ANKRD42: variants seen among roughly 807,000 people sequenced by gnomAD.
ANKRD42 encodes ankyrin repeat domain-containing protein 42.
ANKRD42 carries 43 observed loss-of-function variants against 51.5 expected under a neutral mutation model. That is an observed-to-expected ratio of 0.83 (90% confidence interval 0.65 to 1.08). ANKRD42 has a LOEUF of 1.08. Ranked by LOEUF, ANKRD42 falls within the 50% of genes least tolerant of loss-of-function variation. ANKRD42 has a pLI of 0.00. For missense variants in ANKRD42, 608 were observed against 629.3 expected, an observed-to-expected ratio of 0.97 and a Z score of 0.36; for synonymous variants, 203 against 213.0, an observed-to-expected ratio of 0.95 and a Z score of 0.41.
At chr11:83,263,273 G>A (rs1220344553), downstream of ANKRD42, among the ~76,000 whole-genome samples, 4 of 152,088 alleles carry the variant, frequency 2.6e-5, no homozygotes, top group African/African-American at 9.7e-5. Context: ...TTATTGTGAG[G>A]TGAAGTATAC....
downstream of ANKRD42, chr11:83,259,026 T>G (rs1463162674): frequency 6.6e-6 from 1 of 152,220 alleles, no homozygotes; most frequent in East Asian, 1.9e-4. Context: ...TCAGTATGAA[T>G]GCAGTATTTT....
downstream of ANKRD42, among the ~76,000 whole-genome samples, chr11:83,253,103 A>G (rs776653616): frequency 6.6e-6 from 1 of 152,198 alleles, no homozygotes; most frequent in Non-Finnish European, 1.5e-5. Flanking sequence ...AAGGTCTGGA[A>G]CAAGGTTGAA....
chr11:83,248,439 AAGG>A lies in ANKRD42; in HGVS notation c.*238_*240del, dbSNP rs1863609113. On this transcript the variant is annotated 3_prime_UTR_variant, in exon 11 of 11. Coordinates refer to ENST00000533342, the MANE Select transcript of ANKRD42 (RefSeq NM_001300975.2). ...TATTATTGTTAACATTGTACCATAG[AAGG>A]AGAAAATGTTTTCATAAGTAATCAA... The A allele has an allele frequency of 8.4e-7, 1 of 1,192,628 alleles. No individual in the cohort carries two copies. Among genetic ancestry groups the A allele is most frequent in the Non-Finnish European group, 1.0e-6 (1 of 964,686 alleles). The allele number at this position is 1,192,628 out of a possible 1,614,324, so 73.9% of individuals were successfully genotyped here.
chr11:83,208,836 T>A (rs896684775), intron 3 of ANKRD42, among the ~76,000 whole-genome samples: 3 of 152,046 alleles, frequency 2.0e-5, no homozygotes, highest in East Asian at 3.9e-4. Flanking sequence ...AGAAAAAGAT[T>A]ACAGGAATGG....
At chr11:83,230,143 C>T (rs1359555141) in intron 7 of ANKRD42, among the ~76,000 whole-genome samples, 2 of 152,196 alleles carry the variant, frequency 1.3e-5, no homozygotes, top group Non-Finnish European at 2.9e-5. Flanking sequence ...CCTTGACCTC[C>T]TGGGCTCAGG....
At chr11:83,213,649 C>T (rs1042098624) in intron 5 of ANKRD42, 21 of 836,578 alleles carry the variant, frequency 2.5e-5, no homozygotes, top group African/African-American at 2.4e-4. Flanking sequence ...AACATCATTT[C>T]GTACGTTTAA....
At chr11:83,217,602 G>T (rs190153304) in intron 5 of ANKRD42, among the ~76,000 whole-genome samples, 16 of 152,332 alleles carry the variant, frequency 1.1e-4, no homozygotes, top group African/African-American at 3.8e-4. Context: ...GGCTCTGTGA[G>T]GGTGATGGCA....
At chr11:83,230,076 T>A (rs917189563) in intron 7 of ANKRD42, among the ~76,000 whole-genome samples, 4 of 152,208 alleles carry the variant, frequency 2.6e-5, no homozygotes, top group African/African-American at 9.7e-5. Flanking sequence ...TGCTATCAGA[T>A]AGTCTCACTC....
In ANKRD42 at chr11:83,194,727, C is replaced by T; in HGVS notation, c.57C>T (p.Pro19=). ...PSTSSRETAN[P]CSRKKVHFGS... ...CTTCCTCTAGGGAGACTGCAAACCC[C>T]TGTGAGTCAGACTGTCATTGGCCTT... Residue 19 remains proline, a splice_region_variant and synonymous_variant, in exon 1 of 11, where the codon CCC becomes CCT. Coordinates refer to ENST00000533342, the MANE Select transcript of ANKRD42 (RefSeq NM_001300975.2). 2 of 1,588,200 alleles carry T rather than the reference C, an allele frequency of 1.3e-6. No homozygotes were observed. Among genetic ancestry groups the T allele is most frequent in the Non-Finnish European group, 1.7e-6 (2 of 1,167,516 alleles).
At chr11:83,234,104 A>G (rs939415121) in intron 7 of ANKRD42, among the ~76,000 whole-genome samples, 7 of 152,258 alleles carry the variant, frequency 4.6e-5, no homozygotes, top group Admixed American at 3.3e-4. Flanking sequence ...TGTTTCCATT[A>G]TCATGTGTTT....
At chr11:83,201,306 A>G (rs1861864397) in intron 2 of ANKRD42, among the ~76,000 whole-genome samples, 1 of 152,222 alleles carries the variant, frequency 6.6e-6, no homozygotes, top group East Asian at 1.9e-4. Context: ...AGCTTCATCC[A>G]TGGCCCCGCA....
chr11:83,211,376 C>T lies in ANKRD42; in HGVS notation c.532C>T (p.Leu178Phe). 6.2e-7 allele frequency: 1 copy of T among 1,614,176 alleles called. No individual in the cohort carries two copies. The highest frequency in any genetic ancestry group is 8.5e-7 in the Non-Finnish European group (1 of 1,180,020). ...FHGRLGCLQL[L>F]VKWGCSIEDV... is the part of the protein sequence containing the mutation. ...TGGGCGGCTTGGCTGCTTGCAACTTCTTGTTAAATGGGGTTGTAGCATAGA... is the reference window on the plus strand; with the variant it reads ...TGGGCGGCTTGGCTGCTTGCAACTTTTTGTTAAATGGGGTTGTAGCATAGA... The change falls in exon 5 of 11, where the codon CTT becomes TTT. Residue 178 changes from leucine (L) to phenylalanine (F), a missense_variant. Coordinates refer to ENST00000533342, the MANE Select transcript of ANKRD42 (RefSeq NM_001300975.2).
Position 83,198,611 on chromosome 11 carries a change from T to C in ANKRD42, c.191T>C (p.Leu64Ser). ...ELDVLHKFTP[L>S]HWAAHSGSLE... ...GATGTTCTCCATAAGTTTACCCCTT[T>C]ACATTGGGCAGCACATTCTGGAAGT... Residue 64 changes from leucine (L) to serine (S), a missense_variant, in exon 2 of 11, where the codon TTA becomes TCA. Transcript: ENST00000533342. 1 of 1,608,068 alleles carries C rather than the reference T, an allele frequency of 6.2e-7. No individual in the cohort carries two copies. Among genetic ancestry groups the C allele is most frequent in the Non-Finnish European group, 8.5e-7 (1 of 1,176,784 alleles).
At chr11:83,258,499 C>T (rs1378500183), downstream of ANKRD42, among the ~76,000 whole-genome samples, 1 of 152,048 alleles carries the variant, frequency 6.6e-6, no homozygotes, top group African/African-American at 2.4e-5. Flanking sequence ...GACTTGAGTC[C>T]CTGTGACTTA....
intron 8 of ANKRD42, among the ~76,000 whole-genome samples, chr11:83,238,544 G>T (rs1863288096): frequency 6.6e-6 from 1 of 151,982 alleles, no homozygotes; most frequent in Non-Finnish European, 1.5e-5. Context: ...AAAAGGAAAA[G>T]TTCAGGCCGG....
At chr11:83,203,612 T>A (rs775180232) in intron 2 of ANKRD42, among the ~76,000 whole-genome samples, 37 of 152,276 alleles carry the variant, frequency 2.4e-4, no homozygotes, top group Admixed American at 5.2e-4. Flanking sequence ...CAGGCTCGTC[T>A]CAAACTCCTG....
At chr11:83,250,389 CT>C (rs1863654254), downstream of ANKRD42, among the ~76,000 whole-genome samples, 1 of 152,104 alleles carries the variant, frequency 6.6e-6, no homozygotes, top group African/African-American at 2.4e-5. Context: ...TCATTTTAGT[CT>C]GCATCAACCC....
At chr11:83,207,699 A>G (rs1043704633) in intron 3 of ANKRD42, among the ~76,000 whole-genome samples, 7 of 152,272 alleles carry the variant, frequency 4.6e-5, no homozygotes, top group Non-Finnish European at 1.0e-4. Flanking sequence ...GTTACAAAAC[A>G]AATTCAGAGT....
rs1217030360 is a variant in ANKRD42 at position 83,239,361 on chromosome 11, C to T, written c.1020-1398C>T. ...CTTTGCAAAGATTTCCCTTTTTTAC[C>T]GGTTGTATCTCGTTTTTTCATTCTC... is the stretch of plus-strand genomic sequence containing the variant. On this transcript the variant is annotated intron_variant, in intron 8 of 10. Transcript: ENST00000533342. Among the ~76,000 whole-genome samples, 11 of 151,918 alleles carry T rather than the reference C, an allele frequency of 7.2e-5. No individual in the cohort carries two copies. In the South Asian group the frequency reaches 8.3e-4, roughly 11 times the overall value.
Sources: gnomAD v4.1 joint callset for allele counts (sites outside exome capture counted in the v4.1 genomes callset) on GRCh38, gnomAD v4.1.1 for gene constraint, MANE v1.5 for transcripts, NCBI Gene and HGNC (gene_info 2026-07-23, HGNC 2026-07-21) for gene names.